VPS53: variants seen among roughly 807,000 people sequenced by gnomAD.
The protein encoded by VPS53 is vacuolar protein sorting-associated protein 53 homolog.
A neutral mutation model predicts 107.0 loss-of-function variants in VPS53; 70 were observed. The observed-to-expected ratio is 0.65, with a 90% confidence interval of 0.54 to 0.80. The LOEUF is 0.80. Among genes scored for constraint, VPS53 ranks in the 30% least tolerant of loss-of-function variants. VPS53 has a pLI of 0.00. For missense variants in VPS53, 917 were observed against 1,049.4 expected (o/e 0.87, Z 1.74); for synonymous variants, 409 against 393.3 (o/e 1.04, Z -0.47).
intron 15 of VPS53, 142 bp from the exon 16 acceptor site, chr17:553,604 CTT>C: frequency 3.0e-6 from 2 of 663,452 alleles, no homozygotes; most frequent in Non-Finnish European, 5.0e-6. Flanking sequence ...GAGACTCGCT[CTT>C]GTTGCCTAGG....
chr17:597,760 T>C (rs1271029553), intron 12 of VPS53, among the ~76,000 whole-genome samples: 1 of 152,094 alleles, frequency 6.6e-6, no homozygotes, highest in Non-Finnish European at 1.5e-5. Context: ...GGTTTCAACA[T>C]AGTTTCACCA....
chr17:610,108 G>C (rs1025913304), intron 11 of VPS53, among the ~76,000 whole-genome samples: 3 of 149,992 alleles, frequency 2.0e-5, no homozygotes, highest in Non-Finnish European at 4.4e-5. Flanking sequence ...TCGAGCCTGG[G>C]CGACAGAGTG....
chr17:573,672 G>A (rs1051683204), intron 13 of VPS53, among the ~76,000 whole-genome samples: 1 of 152,134 alleles, frequency 6.6e-6, no homozygotes, highest in African/African-American at 2.4e-5. Flanking sequence ...AAGTCCATGA[G>A]GTCGGCCTTA....
chr17:709,412 C>A (rs330998), intron 2 of VPS53, among the ~76,000 whole-genome samples: 5 of 152,364 alleles, frequency 3.3e-5, no homozygotes, highest in African/African-American at 1.2e-4. Flanking sequence ...ATTTAATAAA[C>A]GACTGCTACG....
intron 6 of VPS53, among the ~76,000 whole-genome samples, chr17:654,055 C>T (rs1477326820): frequency 6.6e-6 from 1 of 152,004 alleles, no homozygotes; most frequent in Non-Finnish European, 1.5e-5. Flanking sequence ...ATTAGCTGGG[C>T]GTGGTGGTGG....
At chr17:658,003 C>T (rs1218707524) in intron 5 of VPS53, among the ~76,000 whole-genome samples, 7 of 120,450 alleles carry the variant, frequency 5.8e-5, no homozygotes, top group African/African-American at 9.9e-5. Flanking sequence ...GTGAGATACT[C>T]GGCCGTGAGT....
chr17:654,317 T>G (rs907079672), intron 6 of VPS53, among the ~76,000 whole-genome samples: 1 of 152,166 alleles, frequency 6.6e-6, no homozygotes, highest in African/African-American at 2.4e-5. Context: ...GACGCTTAAA[T>G]AAAAGGATGC....
chr17:549,751 C>T (rs981903903), intron 17 of VPS53, among the ~76,000 whole-genome samples: 28 of 152,098 alleles, frequency 1.8e-4, no homozygotes, highest in African/African-American at 6.3e-4. Context: ...GCTGGCAAAA[C>T]GAATCCTCTA....
At chr17:535,316 T>C (rs1909953912) in intron 18 of VPS53, among the ~76,000 whole-genome samples, 1 of 152,192 alleles carries the variant, frequency 6.6e-6, no homozygotes. Flanking sequence ...TGGGAGATGC[T>C]GGGACTGGCT....
chr17:654,278 C>T (rs1197332359), intron 6 of VPS53, among the ~76,000 whole-genome samples: 1 of 152,146 alleles, frequency 6.6e-6, no homozygotes, highest in Non-Finnish European at 1.5e-5. Flanking sequence ...GTATCACAGA[C>T]CTCTACTTTC....
chr17:605,741 G>T (rs34140307), intron 11 of VPS53, among the ~76,000 whole-genome samples: 31,803 of 127,416 alleles, frequency 0.25, 1,342 homozygotes, highest in Non-Finnish European at 0.34. Context: ...CGAAGATGGG[G>T]GCCTGGGGTA....
chr17:642,511 G>T (rs1970465778), intron 7 of VPS53, among the ~76,000 whole-genome samples: 1 of 151,172 alleles, frequency 6.6e-6, no homozygotes, highest in African/African-American at 2.4e-5. Context: ...GGAAAGCGAG[G>T]ACAACACTCA....
intron 14 of VPS53, 92 bp downstream of exon 14, chr17:562,411 T>C (rs1004248847): frequency 5.1e-5 from 79 of 1,549,710 alleles, no homozygotes; most frequent in Non-Finnish European, 5.8e-5. Flanking sequence ...ATACTCTTGG[T>C]GGTTTAGTAA....
intron 14 of VPS53, 130 bp from the exon 15 acceptor site, chr17:560,703 C>T: frequency 9.5e-7 from 1 of 1,053,288 alleles, no homozygotes; most frequent in Non-Finnish European, 1.3e-6. Context: ...AATTCACATA[C>T]AATGAGTCCT....
intron 7 of VPS53, among the ~76,000 whole-genome samples, chr17:635,413 T>G (rs939401544): frequency 3.3e-5 from 5 of 152,256 alleles, no homozygotes; most frequent in Admixed American, 6.5e-5. Flanking sequence ...AGATCCCATT[T>G]GTCAATTTTG....
chr17:541,910 T>C (rs1203185532), intron 17 of VPS53, among the ~76,000 whole-genome samples: 1 of 145,210 alleles, frequency 6.9e-6, no homozygotes, highest in Non-Finnish European at 1.5e-5. Flanking sequence ...ATCAAGCACC[T>C]ACCACGCACT....
At chr17:551,840 A>T in intron 17 of VPS53, 32 bp downstream of exon 17, 2 of 1,548,032 alleles carry the variant, frequency 1.3e-6, no homozygotes, top group South Asian at 1.2e-5. Flanking sequence ...TGCTCTCGTT[A>T]GTTTGTAGGA....
At chr17:638,586 C>T (rs769932217) in intron 7 of VPS53, among the ~76,000 whole-genome samples, 114 of 152,158 alleles carry the variant, frequency 7.5e-4, no homozygotes, top group Admixed American at 1.2e-3. Context: ...GTGCTTCCTT[C>T]AGGAGCTCTT....
intron 4 of VPS53, among the ~76,000 whole-genome samples, chr17:696,222 G>A (rs184585857): frequency 5.3e-4 from 80 of 152,110 alleles, no homozygotes; most frequent in African/African-American, 1.7e-3. Context: ...ACTATAAAGT[G>A]GAAAAATGGA....
Sources: allele counts gnomAD v4.1 joint callset (sites outside exome capture counted in the v4.1 genomes callset), GRCh38; gene constraint gnomAD v4.1.1; transcripts MANE v1.5; gene names NCBI Gene and HGNC (gene_info 2026-07-23, HGNC 2026-07-21).